Variants in SLIT1 observed in about 807,000 individuals in gnomAD.
The protein encoded by SLIT1 is slit guidance ligand 1.
A neutral mutation model predicts 186.1 loss-of-function variants in SLIT1; 66 were observed. The observed-to-expected ratio is 0.35, with a 90% CI of 0.29 to 0.44. The LOEUF (loss-of-function observed/expected upper bound fraction) is 0.44. Among genes scored for constraint, SLIT1 ranks in the 20% least tolerant of loss-of-function variants. The probability of loss-of-function intolerance (pLI) is 1.00; values close to 1 mark genes in which losing one functional copy is unlikely to be tolerated. For synonymous variants in SLIT1, 761 were observed against 833.8 expected, an observed-to-expected ratio of 0.91 and a Z score of 1.50; for missense variants, 1,638 against 2,037.4, an observed-to-expected ratio of 0.80 and a Z score of 3.77.
intron 4 of SLIT1, among the ~76,000 whole-genome samples, chr10:97,144,054 T>G (rs1000634366): frequency 9.2e-5 from 14 of 151,994 alleles, no homozygotes; most frequent in African/African-American, 3.4e-4. Flanking sequence ...AAAAATTAGC[T>G]GGGCGTGGTG....
At position 97,004,579 on chromosome 10, in the gene SLIT1, TCAGGCAGCC is replaced by T. The variant is rs1207374511; in HGVS notation, c.3710+105_3710+113del. 3.7e-5 allele frequency: 48 copies of T among 1,304,640 alleles called. 1 individual carries two copies. The highest frequency in any genetic ancestry group is 2.2e-4 in the Admixed American group (12 of 54,676). The allele number at this position is 1,304,640 out of a possible 1,614,324, so 80.8% of individuals were successfully genotyped here. A position where few individuals can be genotyped will look rare whatever the true frequency, so the allele number is the denominator to read the frequency against. ...CAGATGGTTCAAGTGTCCTTCAAAC[TCAGGCAGCC>T]CAGGTTTCTAGAGGTCTCGATAACC... is the stretch of plus-strand genomic sequence containing the variant. On this transcript the variant is annotated intron_variant, in intron 33 of 36. Coordinates refer to ENST00000266058, the MANE Select transcript of SLIT1 (RefSeq NM_003061.3). This position sits in a 1 kb window ranked among gnomAD's most constrained non-coding sequence, Gnocchi z 5.1.
chr10:97,016,373 T>C (rs1848455531), intron 28 of SLIT1, among the ~76,000 whole-genome samples: 1 of 152,102 alleles, frequency 6.6e-6, no homozygotes, highest in Non-Finnish European at 1.5e-5. Context: ...AAAAGAGTGA[T>C]TTAATGTCAT....
At chr10:97,098,875 G>A (rs1350120334) in intron 4 of SLIT1, among the ~76,000 whole-genome samples, 1 of 152,180 alleles carries the variant, frequency 6.6e-6, no homozygotes, top group Non-Finnish European at 1.5e-5. Context: ...GAGGGCAGGA[G>A]TATCACGTGG....
At chr10:97,066,850 C>T (rs986119256) in intron 4 of SLIT1, among the ~76,000 whole-genome samples, 3 of 152,216 alleles carry the variant, frequency 2.0e-5, no homozygotes, top group African/African-American at 7.2e-5. Flanking sequence ...CAGCCCCCCA[C>T]AGCATCGTGC....
intron 21 of SLIT1, among the ~76,000 whole-genome samples, chr10:97,039,482 A>G: frequency 6.6e-6 from 1 of 152,208 alleles, no homozygotes; most frequent in Admixed American, 6.5e-5. Context: ...AAAAGGCAGC[A>G]AGAGTCCTAA....
At position 97,068,662 on chromosome 10, in the gene SLIT1, G is replaced by A. The variant is rs964764158; in HGVS notation, c.414-2576C>T. On this transcript the variant is annotated intron_variant, in intron 4 of 36. Coordinates refer to ENST00000266058, the MANE Select transcript of SLIT1 (RefSeq NM_003061.3). This position sits in a 1 kb window ranked among gnomAD's most constrained non-coding sequence, Gnocchi z 4.2. The stretch of plus-strand genomic sequence containing the variant: ...TCCCTGAGGCATCTCCCCTTCTTGT[G>A]GGGGAAGCTTCCTCCTCCCGCACTC... Among the ~76,000 whole-genome samples the A allele has an allele frequency of 6.6e-6, 1 of 152,096 alleles. No homozygotes were observed. Among genetic ancestry groups the A allele is most frequent in the Non-Finnish European group, 1.5e-5 (1 of 68,008 alleles).
chr10:97,004,675 G>A lies in SLIT1; in HGVS notation c.3710+18C>T, dbSNP rs564171839. ...CCCGTACCCCTGAGGGCAGCTGGGGGGCATAAGGAAGCCCTACCTGTAGAT... is the reference window on the plus strand; with the variant it reads ...CCCGTACCCCTGAGGGCAGCTGGGGAGCATAAGGAAGCCCTACCTGTAGAT... On this transcript the variant is annotated intron_variant, in intron 33 of 36. Coordinates refer to ENST00000266058, the MANE Select transcript of SLIT1 (RefSeq NM_003061.3). The surrounding 1 kb of genome is among the most constrained non-coding windows in gnomAD (Gnocchi z 5.1). 2.6e-4 allele frequency: 413 copies of A among 1,613,960 alleles called. 5 individuals carry two copies. The South Asian group carries it at 4.2e-3, about 16-fold the overall frequency.
chr10:97,091,973 T>C (rs1463570380), intron 4 of SLIT1, among the ~76,000 whole-genome samples: 1 of 152,256 alleles, frequency 6.6e-6, no homozygotes, highest in African/African-American at 2.4e-5. Context: ...AAGGGCAACC[T>C]TGGCAGAAAG....
In SLIT1 at chr10:97,021,597, C is replaced by G. The variant is rs888035317; in HGVS notation, c.2583-184G>C. On this transcript the variant is annotated intron_variant, in intron 25 of 36. Coordinates refer to ENST00000266058, the MANE Select transcript of SLIT1 (RefSeq NM_003061.3). The surrounding 1 kb of genome is among the most constrained non-coding windows in gnomAD (Gnocchi z 4.5). ...TCTTTTTTTGAGATGGAGTGTCGCT[C>G]TGTCGCCCAGGCTGGAGTGCAGTGG... Among the ~76,000 whole-genome samples the G allele has an allele frequency of 6.7e-6, 1 of 150,316 alleles. No individual in the cohort carries two copies. Among genetic ancestry groups the G allele is most frequent in the Non-Finnish European group, 1.5e-5 (1 of 67,776 alleles).
intron 1 of SLIT1, among the ~76,000 whole-genome samples, chr10:97,166,225 T>A (rs1340315100): frequency 6.6e-6 from 1 of 151,898 alleles, no homozygotes; most frequent in Non-Finnish European, 1.5e-5. Context: ...TTAGAAAGTG[T>A]TTGGTCCGGC....
Position 97,004,104 on chromosome 10 carries a change from A to C in SLIT1, c.3829T>G (p.Tyr1277Asp), listed in dbSNP as rs775298979. Residue 1277 changes from tyrosine (Y) to aspartate (D), a missense_variant, in exon 34 of 37, where the codon TAC becomes GAC. Coordinates refer to ENST00000266058, the MANE Select transcript of SLIT1 (RefSeq NM_003061.3). This position sits in a 1 kb window ranked among gnomAD's most constrained non-coding sequence, Gnocchi z 5.1. ...AGTGGCGCCTCGCTGTTGAGCGTGT[A>C]ATGTTTGCCAAAGTTGTCCATGGTC... The part of the protein sequence containing the change: ...PMTMDNFGKH[Y>D]TLNSEAPLYV... 1 of 1,613,548 alleles carries C rather than the reference A, an allele frequency of 6.2e-7. No individual in the cohort carries two copies. The highest frequency in any genetic ancestry group is 8.5e-7 in the Non-Finnish European group (1 of 1,179,498).
At chr10:97,093,851 C>A (rs1007531026) in intron 4 of SLIT1, among the ~76,000 whole-genome samples, 1 of 152,222 alleles carries the variant, frequency 6.6e-6, no homozygotes, top group Non-Finnish European at 1.5e-5. Flanking sequence ...TGTGCAGGCA[C>A]CTGTGGGCCT....
Position 97,049,111 on chromosome 10 carries a change from C to G in SLIT1, c.1309G>C (p.Ala437Pro). ...CAGTCGCAAATGAAAGGGTTCTGCG[C>G]CAGGTGCCTGTCCAAAGCAGGCAGA... Reference protein sequence around the residue: ...SLRAIQTLHLAQNPFICDCNL... With the variant: ...SLRAIQTLHLPQNPFICDCNL... The change falls in exon 14 of 37, where the codon GCG (alanine) becomes CCG (proline). Residue 437 changes from alanine (A) to proline (P), a missense_variant. By Grantham distance (27) the Ala-to-Pro change is conservative (BLOSUM62 -1). This residue lies in a region of SLIT1 where 1,245 missense variants were observed against 1,535.3 expected (regional missense o/e 0.81). Transcript: ENST00000266058. 1 of 1,612,496 alleles carries G rather than the reference C, an allele frequency of 6.2e-7. No homozygotes were observed. The highest frequency in any genetic ancestry group is 8.5e-7 in the Non-Finnish European group (1 of 1,179,760).
At chr10:97,060,499 G>T in intron 9 of SLIT1, 141 bp downstream of exon 9, 1 of 1,064,734 alleles carries the variant, frequency 9.4e-7, no homozygotes, top group Non-Finnish European at 1.3e-6. Flanking sequence ...CAGCCCAGCA[G>T]AGGCAAACTG....
chr10:97,118,540 C>T (rs982673951), intron 4 of SLIT1, among the ~76,000 whole-genome samples: 2 of 152,180 alleles, frequency 1.3e-5, no homozygotes, highest in African/African-American at 2.4e-5. Context: ...CCAAAATGGC[C>T]GTCGCAGGTT....
At chr10:97,060,915 G>T in intron 8 of SLIT1, 128 bp from the exon 9 acceptor site, 2 of 997,142 alleles carry the variant, frequency 2.0e-6, no homozygotes, top group Non-Finnish European at 2.8e-6. Context: ...AACCAGAGGG[G>T]ATCACTAATG....
intron 35 of SLIT1, 23 bp from the exon 36 acceptor site, chr10:97,002,392 G>T: frequency 6.4e-7 from 1 of 1,556,212 alleles, no homozygotes; most frequent in East Asian, 2.3e-5. Flanking sequence ...GAGAAAAGGC[G>T]CTGTGAGGAC....
chr10:97,067,410 C>T (rs769178297), intron 4 of SLIT1, among the ~76,000 whole-genome samples: 14 of 152,204 alleles, frequency 9.2e-5, no homozygotes, highest in East Asian at 1.9e-4. Context: ...TCTTCCTACT[C>T]ACAGCCACAC....
In SLIT1 at chr10:97,162,209, A is replaced by T. The variant is rs115304895; in HGVS notation, c.341+1171T>A. Among the ~76,000 whole-genome samples, 345 of 152,338 alleles carry T rather than the reference A, an allele frequency of 2.3e-3. 1 individual carries two copies. Among genetic ancestry groups the T allele is most frequent in the African/African-American group, 7.8e-3 (325 of 41,582 alleles). Reference sequence around the variant, plus strand: ...TGTCATTTTTTATCTTTTCCATTTAACATTATATTGCGAGCACATTCCCAT... The same window carrying T: ...TGTCATTTTTTATCTTTTCCATTTATCATTATATTGCGAGCACATTCCCAT... On this transcript the variant is annotated intron_variant, in intron 3 of 36. Coordinates refer to ENST00000266058, the MANE Select transcript of SLIT1 (RefSeq NM_003061.3).
Sources: gnomAD v4.1 joint callset for allele counts (sites outside exome capture counted in the v4.1 genomes callset) on GRCh38, gnomAD v4.1.1 for gene constraint, gnomAD v4.1.1 regional missense constraint, Gnocchi (gnomAD v3.1) non-coding constraint, MANE v1.5 for transcripts, NCBI Gene and HGNC (gene_info 2026-07-23, HGNC 2026-07-21) for gene names.